RALYL: variants seen among roughly 807,000 people sequenced by gnomAD.
RALYL encodes the protein RALY RNA binding protein like.
RALYL carries 29 observed loss-of-function variants against 35.1 expected under a neutral mutation model. The observed-to-expected ratio is 0.83, with a 90% CI of 0.61 to 1.13. RALYL has a LOEUF of 1.13. Ranked by LOEUF, RALYL falls within the 50% of genes most tolerant of loss-of-function variation. The pLI, the probability that RALYL is intolerant of heterozygous loss-of-function variation, is 0.00. For synonymous variants in RALYL, 120 were observed against 127.6 expected (o/e 0.94, Z 0.40); for missense variants, 359 against 360.4 (o/e 1.00, Z 0.03).
intron 1 of RALYL, among the ~76,000 whole-genome samples, chr8:84,433,821 G>GTGTGTGTGTGTA (rs1387584604): frequency 8.0e-6 from 1 of 124,254 alleles, no homozygotes; most frequent in African/African-American, 3.4e-5. Flanking sequence ...GTGCGTGTGT[G>GTGTGTGTGTGTA]TGTGTGTGTG....
rs185479167 is a variant in RALYL at position 84,513,119 on chromosome 8, C to T, written c.-23-16180C>T. 2.4e-3 allele frequency among the ~76,000 whole-genome samples: 363 copies of T among 152,176 alleles called. 3 individuals carry two copies. Among genetic ancestry groups the T allele is most frequent in the African/African-American group, 8.3e-3 (343 of 41,528 alleles). ...TGTAGATTGCTTTGGGTGGTATAAT[C>T]ATTTAAAAATTAACTTTTCATTCAA... On this transcript the variant is annotated intron_variant, in intron 1 of 8. Transcript: ENST00000521268.
intron 1 of RALYL, among the ~76,000 whole-genome samples, chr8:84,439,859 A>G (rs1398952048): frequency 6.6e-6 from 1 of 152,120 alleles, no homozygotes; most frequent in Non-Finnish European, 1.5e-5. Flanking sequence ...TTGATTGGCT[A>G]TGCTGGATTT....
At chr8:84,220,495 A>C (rs1166042710) in intron 1 of RALYL, among the ~76,000 whole-genome samples, 1 of 152,068 alleles carries the variant, frequency 6.6e-6, no homozygotes, top group Non-Finnish European at 1.5e-5. Context: ...AATGATTGAC[A>C]TAGGGCTCAT....
At chr8:84,685,296 G>A in intron 2 of RALYL, among the ~76,000 whole-genome samples, 1 of 152,088 alleles carries the variant, frequency 6.6e-6, no homozygotes, top group Non-Finnish European at 1.5e-5. Flanking sequence ...TCAGAGAGAA[G>A]ATACAGTCTA....
chr8:84,676,473 C>A (rs1269754817), intron 2 of RALYL, among the ~76,000 whole-genome samples: 1 of 152,152 alleles, frequency 6.6e-6, no homozygotes, highest in East Asian at 1.9e-4. Context: ...TCCCAGTGTG[C>A]TCCCAAATCC....
At chr8:84,733,044 G>A (rs772209640) in intron 2 of RALYL, among the ~76,000 whole-genome samples, 1 of 152,020 alleles carries the variant, frequency 6.6e-6, no homozygotes, top group Admixed American at 6.6e-5. Flanking sequence ...TGGTCCTCTT[G>A]TGGCCCAGAG....
chr8:84,806,882 G>A (rs1321376493), intron 4 of RALYL, among the ~76,000 whole-genome samples: 7 of 151,992 alleles, frequency 4.6e-5, no homozygotes, highest in East Asian at 1.9e-4. Flanking sequence ...CCGTGGTGCC[G>A]TGCCTCTAGT....
Position 84,216,148 on chromosome 8 carries a change from A to G in RALYL, c.-24+31724A>G, listed in dbSNP as rs77664319. 4.4e-3 allele frequency among the ~76,000 whole-genome samples: 673 copies of G among 152,168 alleles called. 7 individuals carry two copies. Among genetic ancestry groups the G allele is most frequent in the African/African-American group, 0.016 (653 of 41,538 alleles). On this transcript the variant is annotated intron_variant, in intron 1 of 8. Coordinates refer to ENST00000521268, the MANE Select transcript of RALYL (RefSeq NM_173848.7). The stretch of plus-strand genomic sequence containing the variant: ...TACAGATAAGAAAACAGCTTTATAG[A>G]TTGAAGATTTTGCAGGGATTTCAGA...
At chr8:84,644,418 C>T (rs1827042023) in intron 2 of RALYL, among the ~76,000 whole-genome samples, 1 of 151,966 alleles carries the variant, frequency 6.6e-6, no homozygotes, top group African/African-American at 2.4e-5. Context: ...AAATTCCTAT[C>T]CTCGTGGACT....
At chr8:84,651,303 C>T (rs536435763) in intron 2 of RALYL, among the ~76,000 whole-genome samples, 65 of 151,516 alleles carry the variant, frequency 4.3e-4, no homozygotes, top group South Asian at 2.7e-3. Flanking sequence ...GATATGAATG[C>T]CATAACTATG....
At chr8:84,333,933 T>C (rs894791733) in intron 1 of RALYL, among the ~76,000 whole-genome samples, 1 of 152,198 alleles carries the variant, frequency 6.6e-6, no homozygotes, top group African/African-American at 2.4e-5. Context: ...TTGCCCAGGT[T>C]GGAGGGCAGT....
intron 1 of RALYL, among the ~76,000 whole-genome samples, chr8:84,254,520 G>A (rs957093653): frequency 7.9e-5 from 12 of 151,898 alleles, no homozygotes; most frequent in Non-Finnish European, 1.6e-4. Context: ...TGGTAGGAGG[G>A]GTGAGTAAAT....
chr8:84,204,556 C>T (rs564752577), intron 1 of RALYL, among the ~76,000 whole-genome samples: 2 of 152,188 alleles, frequency 1.3e-5, no homozygotes, highest in South Asian at 4.1e-4. Flanking sequence ...AATCAAGTCA[C>T]CCTGCTTTGT....
intron 1 of RALYL, among the ~76,000 whole-genome samples, chr8:84,280,578 A>C (rs1319117251): frequency 5.9e-5 from 9 of 151,936 alleles, no homozygotes; most frequent in Middle Eastern, 3.4e-3. Context: ...TCTGGATTTA[A>C]CACCACACAC....
chr8:84,425,045 A>G (rs1010731738), intron 1 of RALYL, among the ~76,000 whole-genome samples: 1 of 152,182 alleles, frequency 6.6e-6, no homozygotes, highest in African/African-American at 2.4e-5. Context: ...CTACAGAGGC[A>G]GGCAGACCTC....
chr8:84,263,765 C>T (rs1001531500), intron 1 of RALYL, among the ~76,000 whole-genome samples: 4 of 152,066 alleles, frequency 2.6e-5, no homozygotes, highest in Admixed American at 2.0e-4. Context: ...CCTTCCCCGA[C>T]CTCACCCCGA....
intron 1 of RALYL, among the ~76,000 whole-genome samples, chr8:84,506,620 AAAAATAATTTT>A (rs1300320384): frequency 6.6e-6 from 1 of 152,032 alleles, no homozygotes; most frequent in Non-Finnish European, 1.5e-5. Context: ...TAAAAATTTT[AAAAATAATTTT>A]AAAATATCAC....
At chr8:84,395,432 G>A (rs909409190) in intron 1 of RALYL, among the ~76,000 whole-genome samples, 10 of 151,806 alleles carry the variant, frequency 6.6e-5, no homozygotes, top group East Asian at 1.9e-4. Flanking sequence ...TTGAAAATAC[G>A]TGAGGATTTC....
chr8:84,549,508 C>T (rs1292141538), intron 2 of RALYL, among the ~76,000 whole-genome samples: 2 of 152,168 alleles, frequency 1.3e-5, no homozygotes, highest in Non-Finnish European at 2.9e-5. Flanking sequence ...TGGAAAAATG[C>T]TGAGTACTGA....
Sources: allele counts gnomAD v4.1 joint callset (sites outside exome capture counted in the v4.1 genomes callset), GRCh38; gene constraint gnomAD v4.1.1; transcripts MANE v1.5; gene names NCBI Gene and HGNC (gene_info 2026-07-23, HGNC 2026-07-21).